Variants in TRAF3 observed in about 807,000 individuals in gnomAD.
The protein encoded by TRAF3 is TNF receptor associated factor 3.
In TRAF3, 13 loss-of-function variants were observed where a neutral mutation model predicts 62.3. The ratio of observed to expected loss-of-function variants is 0.21; its 90% confidence interval spans 0.14 to 0.33. The LOEUF (loss-of-function observed/expected upper bound fraction) is 0.33. Among genes scored for constraint, TRAF3 ranks in the 10% least tolerant of loss-of-function variants. The pLI, the probability that TRAF3 is intolerant of heterozygous loss-of-function variation, is 1.00. For synonymous variants in TRAF3, 269 were observed against 283.4 expected (o/e 0.95, Z 0.51); for missense variants, 440 against 741.8 (o/e 0.59, Z 4.73).
intron 9 of TRAF3, 88 bp from the exon 10 acceptor site, chr14:102,897,173 G>A: frequency 8.3e-7 from 1 of 1,205,366 alleles, no homozygotes; most frequent in Non-Finnish European, 1.2e-6. Flanking sequence ...CTAACAGAAG[G>A]CCTATATTGT....
At chr14:102,837,012 C>T (rs976459355) in intron 2 of TRAF3, among the ~76,000 whole-genome samples, 1 of 152,166 alleles carries the variant, frequency 6.6e-6, no homozygotes, top group Non-Finnish European at 1.5e-5. Flanking sequence ...TCCCCTTGCT[C>T]TTTCCTCCTC....
chr14:102,828,435 C>T (rs576663448), intron 1 of TRAF3, among the ~76,000 whole-genome samples: 3 of 152,130 alleles, frequency 2.0e-5, no homozygotes, highest in Non-Finnish European at 2.9e-5. Flanking sequence ...AGAACGTACG[C>T]GATTCTGTGA....
chr14:102,834,132 C>G (rs567888610), intron 2 of TRAF3, among the ~76,000 whole-genome samples: 1 of 152,070 alleles, frequency 6.6e-6, no homozygotes, highest in African/African-American at 2.4e-5. Context: ...CAAAAAAGAG[C>G]CCAAATAGAC....
rs1887086578 is a variant in TRAF3, at chr14:102,852,217, C to T, written c.-17-17968C>T. ...TCCTGGGCTCAAGTGATCCTCCTGCCTCAGCCTTCTGAGCAGGCACTACAG... is the reference window on the plus strand; with the variant it reads ...TCCTGGGCTCAAGTGATCCTCCTGCTTCAGCCTTCTGAGCAGGCACTACAG... On this transcript the variant is annotated intron_variant, in intron 2 of 11. Transcript: ENST00000392745. Among the ~76,000 whole-genome samples, 10 of 152,170 alleles carry T rather than the reference C, an allele frequency of 6.6e-5. No homozygotes were observed. In the South Asian group the frequency reaches 2.1e-3, roughly 31 times the overall value.
At chr14:102,814,474 A>G (rs144243189) in intron 1 of TRAF3, among the ~76,000 whole-genome samples, 1 of 152,214 alleles carries the variant, frequency 6.6e-6, no homozygotes, top group East Asian at 1.9e-4. Flanking sequence ...TTCTGTGAAC[A>G]ATGTCATTGG....
chr14:102,880,197 G>GTTACTT (rs1370412906), intron 6 of TRAF3, among the ~76,000 whole-genome samples: 17 of 152,304 alleles, frequency 1.1e-4, no homozygotes, highest in African/African-American at 4.1e-4. Flanking sequence ...AATTCCTCCA[G>GTTACTT]GCTGTGCATA....
intron 6 of TRAF3, among the ~76,000 whole-genome samples, chr14:102,877,480 C>A (rs572836637): frequency 6.7e-6 from 1 of 149,244 alleles, no homozygotes; most frequent in South Asian, 2.1e-4. Flanking sequence ...ATTCCACAGG[C>A]CTTCCGCTCA....
chr14:102,827,450 C>CT (rs1316496806), intron 1 of TRAF3, among the ~76,000 whole-genome samples: 2 of 152,164 alleles, frequency 1.3e-5, no homozygotes, highest in African/African-American at 4.8e-5. Flanking sequence ...ACACAAAATT[C>CT]TTTTCATATA....
intron 1 of TRAF3, among the ~76,000 whole-genome samples, chr14:102,794,903 CTTTGGGTCCATACGT>C (rs1240830638): frequency 6.6e-6 from 1 of 152,176 alleles, no homozygotes; most frequent in Non-Finnish European, 1.5e-5. Flanking sequence ...TCAAGTACAG[CTTTGGGTCCATACGT>C]TTTTTCTTCC....
At chr14:102,795,362 G>A (rs1054815801) in intron 1 of TRAF3, among the ~76,000 whole-genome samples, 20 of 152,190 alleles carry the variant, frequency 1.3e-4, no homozygotes, top group African/African-American at 4.6e-4. Context: ...AGCTATGTCT[G>A]CCTGTGTTCC....
chr14:102,873,244 C>G (rs1888445693), intron 4 of TRAF3, among the ~76,000 whole-genome samples: 1 of 152,150 alleles, frequency 6.6e-6, no homozygotes, highest in Non-Finnish European at 1.5e-5. Context: ...TATAGCCGCT[C>G]TGGAAGGGGG....
intron 2 of TRAF3, among the ~76,000 whole-genome samples, chr14:102,833,529 T>A (rs915127483): frequency 6.6e-6 from 1 of 152,218 alleles, no homozygotes; most frequent in Non-Finnish European, 1.5e-5. Flanking sequence ...CAAATTTAAA[T>A]GAGTCCTTTG....
At chr14:102,850,724 C>G (rs189025918) in intron 2 of TRAF3, among the ~76,000 whole-genome samples, 1 of 150,470 alleles carries the variant, frequency 6.6e-6, no homozygotes, top group African/African-American at 2.5e-5. Flanking sequence ...TTACAGCGCT[C>G]AGAGTGCCAG....
At chr14:102,855,294 G>A (rs567761729) in intron 2 of TRAF3, among the ~76,000 whole-genome samples, 4 of 152,266 alleles carry the variant, frequency 2.6e-5, no homozygotes, top group African/African-American at 9.6e-5. Context: ...GTGAACATGT[G>A]TATACATGTG....
chr14:102,791,053 T>G (rs1897766098), intron 1 of TRAF3, among the ~76,000 whole-genome samples: 1 of 150,026 alleles, frequency 6.7e-6, no homozygotes, highest in South Asian at 2.1e-4. Flanking sequence ...GGAGTCTCGC[T>G]CTGTTCCCCA....
intron 2 of TRAF3, among the ~76,000 whole-genome samples, chr14:102,844,238 T>C (rs1258141019): frequency 2.0e-5 from 3 of 152,250 alleles, no homozygotes; most frequent in Non-Finnish European, 4.4e-5. Context: ...ATGAGGGCTC[T>C]TTCTGATGTA....
intron 2 of TRAF3, among the ~76,000 whole-genome samples, chr14:102,861,954 T>C (rs906369205): frequency 2.0e-5 from 3 of 152,356 alleles, no homozygotes; most frequent in African/African-American, 7.2e-5. Context: ...TAAACCCTTA[T>C]TAGATATGTG....
chr14:102,867,230 C>T (rs1421212414), intron 2 of TRAF3, among the ~76,000 whole-genome samples: 1 of 152,204 alleles, frequency 6.6e-6, no homozygotes, highest in South Asian at 2.1e-4. Context: ...CTGGTAAACT[C>T]TTTCTGTTAC....
At position 102,908,542 on chromosome 14, in the gene TRAF3, GTC is replaced by G. The variant is rs918809230; in HGVS notation, c.*2764_*2765del. ...CCACCTGGGCCAGCCTGGGGCCATGGTCTCTCTGCAGCTGAGGCCCAGTGGCC... is the reference window on the plus strand; with the variant it reads ...CCACCTGGGCCAGCCTGGGGCCATGGTCTCTGCAGCTGAGGCCCAGTGGCC... On this transcript the variant is annotated 3_prime_UTR_variant, in exon 12 of 12. Coordinates refer to ENST00000392745, the MANE Select transcript of TRAF3 (RefSeq NM_145725.3). 1 of 152,318 alleles carries G rather than the reference GTC, an allele frequency of 6.6e-6. No homozygotes were observed. Among genetic ancestry groups the G allele is most frequent in the Non-Finnish European group, 1.5e-5 (1 of 68,158 alleles). The allele number at this position is 152,318 out of a possible 1,614,324, so 9.4% of individuals were successfully genotyped here. A position where few individuals can be genotyped will look rare whatever the true frequency, so the allele number is the denominator to read the frequency against.
Sources: gnomAD v4.1 joint callset for allele counts (sites outside exome capture counted in the v4.1 genomes callset) on GRCh38, gnomAD v4.1.1 for gene constraint, MANE v1.5 for transcripts, NCBI Gene and HGNC (gene_info 2026-07-23, HGNC 2026-07-21) for gene names.